Variants in SMIM36 observed in about 807,000 individuals in gnomAD.
SMIM36 encodes small integral membrane protein 36.
chr17:55,521,088 A>G, the SMIM36 span, among the ~76,000 whole-genome samples: 1 of 152,038 alleles, frequency 6.6e-6, no homozygotes, highest in African/African-American at 2.4e-5. Context: ...GTGCCACTGC[A>G]CTCCAGCTTG....
chr17:55,479,012 T>C (rs1188212642), intron 2 of SMIM36, among the ~76,000 whole-genome samples, 199 bp from the exon 3 acceptor site: 2 of 152,180 alleles, frequency 1.3e-5, no homozygotes, highest in African/African-American at 2.4e-5. Flanking sequence ...CATAGTGCTC[T>C]ATCTTTCTGA....
chr17:55,474,279 G>A (rs62079585), intron 3 of SMIM36, among the ~76,000 whole-genome samples: 34,189 of 152,050 alleles, frequency 0.22, 4,307 homozygotes, highest in Non-Finnish European at 0.28. Context: ...ACGGACTGTC[G>A]AGGCAGCCCT....
intron 1 of SMIM36, among the ~76,000 whole-genome samples, chr17:55,491,089 T>C (rs1909695603): frequency 6.6e-6 from 1 of 151,850 alleles, no homozygotes; most frequent in Non-Finnish European, 1.5e-5. Flanking sequence ...ACCGCATCTC[T>C]ACAAAACATT....
the SMIM36 span, among the ~76,000 whole-genome samples, chr17:55,530,467 A>G: frequency 6.6e-6 from 1 of 152,182 alleles, no homozygotes; most frequent in African/African-American, 2.4e-5. Context: ...GCTAATTAAT[A>G]CAGACTGCCC....
At chr17:55,480,014 T>TC (rs1909492917) in intron 1 of SMIM36, among the ~76,000 whole-genome samples, 1 of 151,834 alleles carries the variant, frequency 6.6e-6, no homozygotes, top group Non-Finnish European at 1.5e-5. Flanking sequence ...CTCCCCCTAC[T>TC]CCCCCACTCC....
At chr17:55,478,310 G>A (rs562484740) in intron 3 of SMIM36, among the ~76,000 whole-genome samples, 8 of 151,260 alleles carry the variant, frequency 5.3e-5, no homozygotes, top group Non-Finnish European at 8.8e-5. Flanking sequence ...CTTGGCTCAC[G>A]GTAGCCTTGA....
intron 1 of SMIM36, among the ~76,000 whole-genome samples, chr17:55,495,631 T>A (rs1598455590): frequency 1.2e-5 from 1 of 80,692 alleles, no homozygotes; most frequent in East Asian, 8.3e-4. Flanking sequence ...TCTATAAATT[T>A]TTTTTTTTTT....
the SMIM36 span, among the ~76,000 whole-genome samples, chr17:55,530,033 T>A: frequency 6.6e-6 from 1 of 152,114 alleles, no homozygotes; most frequent in East Asian, 1.9e-4. Context: ...TATTTCACCA[T>A]CAAACTGAAA....
chr17:55,516,025 G>A (rs143839377), upstream of SMIM36, among the ~76,000 whole-genome samples: 6 of 152,226 alleles, frequency 3.9e-5, no homozygotes, highest in South Asian at 4.1e-4. Flanking sequence ...TGAAGAAAAC[G>A]CATGGGATGA....
chr17:55,523,544 A>T, the SMIM36 span, among the ~76,000 whole-genome samples: 1 of 152,020 alleles, frequency 6.6e-6, no homozygotes, highest in East Asian at 1.9e-4. Flanking sequence ...AAAAAAAAAA[A>T]AAAACATGTG....
intron 1 of SMIM36, among the ~76,000 whole-genome samples, chr17:55,486,660 C>A (rs533340536): frequency 6.6e-6 from 1 of 152,272 alleles, no homozygotes; most frequent in South Asian, 2.1e-4. Flanking sequence ...TGGTGTTTCA[C>A]TACCCATAAG....
chr17:55,530,197 A>T, the SMIM36 span, among the ~76,000 whole-genome samples: 1 of 152,248 alleles, frequency 6.6e-6, no homozygotes. Context: ...TGTAGCCAGG[A>T]TAGGAACCCA....
intron 1 of SMIM36, among the ~76,000 whole-genome samples, chr17:55,508,447 T>TATATATATATATATATATATAC (rs1910121657): frequency 1.8e-5 from 1 of 55,040 alleles, no homozygotes; most frequent in African/African-American, 5.4e-5. Flanking sequence ...TATATATATA[T>TATATATATATATATATATATAC]ATATATATAT....
At chr17:55,527,467 G>T in the SMIM36 span, among the ~76,000 whole-genome samples, 1 of 151,934 alleles carries the variant, frequency 6.6e-6, no homozygotes, top group South Asian at 2.1e-4. Context: ...TTATGATCAG[G>T]TCGCTAGGCC....
At chr17:55,513,583 T>A (rs540908535), upstream of SMIM36, among the ~76,000 whole-genome samples, 1 of 152,340 alleles carries the variant, frequency 6.6e-6, no homozygotes, top group African/African-American at 2.4e-5. Context: ...ATGTACCAGA[T>A]GCCTACTTTC....
At chr17:55,507,171 G>A (rs1190632410) in intron 1 of SMIM36, among the ~76,000 whole-genome samples, 9 of 35,546 alleles carry the variant, frequency 2.5e-4, no homozygotes, top group Non-Finnish European at 3.6e-4. Context: ...TCAGTGTGGC[G>A]ATTCCTCAGG....
the SMIM36 span, among the ~76,000 whole-genome samples, chr17:55,519,241 T>A: frequency 1.3e-5 from 2 of 152,098 alleles, no homozygotes; most frequent in African/African-American, 4.8e-5. Context: ...GTTAAGCAGA[T>A]TGGAGGTTAG....
At chr17:55,514,552 TTCCC>T (rs1204105960), upstream of SMIM36, among the ~76,000 whole-genome samples, 1 of 152,200 alleles carries the variant, frequency 6.6e-6, no homozygotes, top group East Asian at 1.9e-4. Context: ...CATTCCCTTT[TTCCC>T]TCTCACCCTC....
intron 3 of SMIM36, among the ~76,000 whole-genome samples, chr17:55,476,376 A>T (rs1909426686): frequency 6.6e-6 from 1 of 151,430 alleles, no homozygotes; most frequent in South Asian, 2.1e-4. Context: ...TCCACTACCT[A>T]CCCAAATCCT....
Sources: gnomAD v4.1 joint callset for allele counts (sites outside exome capture counted in the v4.1 genomes callset) on GRCh38, gnomAD v4.1.1 for gene constraint, MANE v1.5 for transcripts, NCBI Gene and HGNC (gene_info 2026-07-23, HGNC 2026-07-21) for gene names.